Variants in OR11A1 observed in about 807,000 individuals in gnomAD.
The protein encoded by OR11A1 is olfactory receptor 11A1.
For synonymous variants in OR11A1, 158 were observed against 152.2 expected, an observed-to-expected ratio of 1.04 and a Z score of -0.28; for missense variants, 380 against 378.2, an observed-to-expected ratio of 1.00 and a Z score of -0.04.
Position 29,435,922 on chromosome 6 carries a change from A to C in OR11A1, c.-388-3935T>G, listed in dbSNP as rs142582817. ...CATGAATGAAAAAATAAAAATGGTCACTTGATTCATAATCCCTGGCCTTCT... is the reference window on the plus strand; with the variant it reads ...CATGAATGAAAAAATAAAAATGGTCCCTTGATTCATAATCCCTGGCCTTCT... On this transcript the variant is annotated intron_variant, in intron 1 of 4. Coordinates refer to ENST00000377149, the MANE Select transcript of OR11A1 (RefSeq NM_001394828.1). Among the ~76,000 whole-genome samples the C allele has an allele frequency of 8.0e-3, 1,216 of 152,350 alleles. 14 individuals are homozygous for C. Among genetic ancestry groups the C allele is most frequent in the East Asian group, 0.025 (131 of 5,184 alleles).
At chr6:29,442,449 A>G (rs953599212) in intron 1 of OR11A1, among the ~76,000 whole-genome samples, 4 of 152,228 alleles carry the variant, frequency 2.6e-5, no homozygotes, top group Non-Finnish European at 5.9e-5. Flanking sequence ...ATATCATTCC[A>G]ACACTTTATT....
At chr6:29,434,480 A>G (rs1405412301) in intron 1 of OR11A1, among the ~76,000 whole-genome samples, 3 of 152,114 alleles carry the variant, frequency 2.0e-5, no homozygotes, top group Non-Finnish European at 4.4e-5. Context: ...TAATTCTGTT[A>G]ATGTTATGTA....
chr6:29,440,536 C>A (rs2074466), intron 1 of OR11A1: 240,604 of 1,613,412 alleles, frequency 0.15, 19,193 homozygotes, highest in Admixed American at 0.23. Flanking sequence ...AATACCATCC[C>A]GCAGTTCTTC....
In OR11A1 at chr6:29,453,126, C is replaced by T. The variant is rs1005735398; in HGVS notation, c.-389+3861G>A. ...AAAACTTGCACTTTAAATATAAAGA[C>T]AGCTTAATCATAAATACACTTATAG... On this transcript the variant is annotated intron_variant, in intron 1 of 4. Coordinates refer to ENST00000377149, the MANE Select transcript of OR11A1 (RefSeq NM_001394828.1). The surrounding 1 kb of genome is among the most constrained non-coding windows in gnomAD (Gnocchi z 4.5). Among the ~76,000 whole-genome samples, 45 of 149,772 alleles carry T rather than the reference C, an allele frequency of 3.0e-4. No homozygotes were observed. Among genetic ancestry groups the T allele is most frequent in the African/African-American group, 1.1e-3 (45 of 41,098 alleles).
chr6:29,433,366 C>G (rs1404665621), intron 1 of OR11A1, among the ~76,000 whole-genome samples: 2 of 152,096 alleles, frequency 1.3e-5, no homozygotes, highest in Non-Finnish European at 2.9e-5. Flanking sequence ...TGGTAACCAC[C>G]ATTCTATTCT....
chr6:29,431,767 A>T, intron 2 of OR11A1, 97 bp downstream of exon 2: 1 of 609,302 alleles, frequency 1.6e-6, no homozygotes, highest in Non-Finnish European at 2.1e-6. Flanking sequence ...GAAAGTTGCT[A>T]GTGATTACAG....
Sources: gnomAD v4.1 joint callset for allele counts (sites outside exome capture counted in the v4.1 genomes callset) on GRCh38, gnomAD v4.1.1 for gene constraint, Gnocchi (gnomAD v3.1) non-coding constraint, MANE v1.5 for transcripts, NCBI Gene and HGNC (gene_info 2026-07-23, HGNC 2026-07-21) for gene names.